CFAP74: variants seen among roughly 807,000 people sequenced by gnomAD.
The protein encoded by CFAP74 is cilia- and flagella-associated protein 74.
A neutral mutation model predicts 188.9 loss-of-function variants in CFAP74; 124 were observed. The observed-to-expected ratio is 0.66, with a 90% CI of 0.57 to 0.76. CFAP74 has a LOEUF of 0.76. Ranked by LOEUF, CFAP74 falls within the 30% of genes least tolerant of loss-of-function variation. The pLI is 0.00. For synonymous variants in CFAP74, 956 were observed against 916.7 expected (o/e 1.04, Z -0.77); for missense variants, 2,198 against 2,165.2 (o/e 1.02, Z -0.30).
At chr1:1,991,859 G>GA (rs1319833723) in intron 1 of CFAP74, among the ~76,000 whole-genome samples, 3 of 151,680 alleles carry the variant, frequency 2.0e-5, no homozygotes, top group South Asian at 2.1e-4. Context: ...CTAGCACAGT[G>GA]AAACCCCATC....
chr1:1,967,500 G>A (rs1655553790), intron 11 of CFAP74, among the ~76,000 whole-genome samples: 1 of 152,190 alleles, frequency 6.6e-6, no homozygotes. Context: ...GCTCCTGGCG[G>A]AGGGATCGGC....
At chr1:1,988,831 C>A in intron 3 of CFAP74, 58 bp downstream of exon 3, 1 of 442,530 alleles carries the variant, frequency 2.3e-6, no homozygotes, top group Non-Finnish European at 4.0e-6. Context: ...CACCCCCCCA[C>A]CCCCACCCCC....
At chr1:1,977,356 C>T (rs1023138158) in intron 6 of CFAP74, among the ~76,000 whole-genome samples, 11 of 152,234 alleles carry the variant, frequency 7.2e-5, no homozygotes, top group African/African-American at 1.9e-4. Context: ...TGCCCCAAAC[C>T]GCCAAGCCCC....
chr1:1,930,907 G>A (rs1002240183), intron 25 of CFAP74, among the ~76,000 whole-genome samples: 4 of 152,084 alleles, frequency 2.6e-5, no homozygotes, highest in Non-Finnish European at 4.4e-5. Context: ...AAAAGAGGCC[G>A]GGACCTGGTT....
rs567976830 is a variant in CFAP74 at position 1,975,364 on chromosome 1, C to T, written c.501-1166G>A. Among the ~76,000 whole-genome samples the T allele has an allele frequency of 7.2e-5, 11 of 152,224 alleles. No individual in the cohort carries two copies. Among genetic ancestry groups the T allele is most frequent in the Admixed American group, 1.3e-4 (2 of 15,288 alleles). On this transcript the variant is annotated intron_variant, in intron 6 of 38. Coordinates refer to ENST00000682832, the MANE Select transcript of CFAP74 (RefSeq NM_001304360.2). This position sits in a 1 kb window ranked among gnomAD's most constrained non-coding sequence, Gnocchi z 4.5. The stretch of plus-strand genomic sequence containing the variant: ...AGGATTTCTAACGTTGAGCCTTTTT[C>T]GGGGCTCCTAGGATATAAACTCCAA...
At chr1:1,949,518 G>A (rs934747103) in intron 18 of CFAP74, among the ~76,000 whole-genome samples, 4 of 148,958 alleles carry the variant, frequency 2.7e-5, no homozygotes, top group African/African-American at 1.0e-4. Flanking sequence ...TTTTTTTAAG[G>A]AATAAGTTGC....
In CFAP74 at chr1:1,922,730, G is replaced by T; in HGVS notation, c.4684-7C>A. 1 of 1,602,256 alleles carries T rather than the reference G, an allele frequency of 6.2e-7. No homozygotes were observed. The highest frequency in any genetic ancestry group is 8.5e-7 in the Non-Finnish European group (1 of 1,174,678). ...CTATGCTGAACTCAACGGTCTGTGG[G>T]GTATGGGGCTCCTGTAGGCTGGCGA... On this transcript the variant is annotated splice_region_variant and splice_polypyrimidine_tract_variant and intron_variant, in intron 37 of 38. Coordinates refer to ENST00000682832, the MANE Select transcript of CFAP74 (RefSeq NM_001304360.2).
chr1:1,944,188 A>G, intron 21 of CFAP74, 143 bp downstream of exon 21: 1 of 1,425,414 alleles, frequency 7.0e-7, no homozygotes, highest in Non-Finnish European at 9.2e-7. Context: ...CCGCGTGTGC[A>G]CAGGCAGGCA....
In CFAP74 at chr1:1,959,252, T is replaced by G. The variant is rs904764273; in HGVS notation, c.1762-43A>C. ...CCCCACCACAATACACTTCTGCAAC[T>G]TTTGTGTGTTTTGTTTTTTTTTTGG... On this transcript the variant is annotated intron_variant, in intron 15 of 38. Coordinates refer to ENST00000682832, the MANE Select transcript of CFAP74 (RefSeq NM_001304360.2). The G allele has an allele frequency of 2.2e-6, 3 of 1,336,734 alleles. No homozygotes were observed. The African/African-American group carries it at 4.4e-5, about 20-fold the overall frequency. 82.8% of individuals were successfully genotyped at this position (1,336,734 alleles called of 1,614,324 possible). A position where few individuals can be genotyped will look rare whatever the true frequency, so the allele number is the denominator to read the frequency against.
At chr1:1,937,763 C>A (rs1652998481) in intron 25 of CFAP74, among the ~76,000 whole-genome samples, 2 of 150,416 alleles carry the variant, frequency 1.3e-5, no homozygotes, top group Non-Finnish European at 2.9e-5. Context: ...TCCACCACTT[C>A]CTTATCCCGC....
In CFAP74 at chr1:1,968,957, C is replaced by T. The variant is rs1655685054; in HGVS notation, c.1047-124G>A. On this transcript the variant is annotated intron_variant, in intron 10 of 38. Transcript: ENST00000682832. This position sits in a 1 kb window ranked among gnomAD's most constrained non-coding sequence, Gnocchi z 4.3. ...GGGGGCTCCGGTCCTGCCCAGCAGC[C>T]CCAGGTGAGACAGCGCCTGGCGGCC... is the stretch of plus-strand genomic sequence containing the variant. The T allele has an allele frequency of 2.1e-6, 1 of 487,618 alleles. No individual in the cohort carries two copies. The highest frequency in any genetic ancestry group is 3.9e-5 in the Admixed American group (1 of 25,344). 30.2% of individuals were successfully genotyped at this position (487,618 alleles called of 1,614,324 possible).
At chr1:1,933,185 CTTTTTTT>C (rs897460590) in intron 25 of CFAP74, among the ~76,000 whole-genome samples, 1 of 133,216 alleles carries the variant, frequency 7.5e-6, no homozygotes. Context: ...CGTGCCTGAC[CTTTTTTT>C]TTTTTTTTTT....
At chr1:2,001,621 C>G (rs908950213) in intron 1 of CFAP74, among the ~76,000 whole-genome samples, 1 of 152,196 alleles carries the variant, frequency 6.6e-6, no homozygotes, top group African/African-American at 2.4e-5. Context: ...CCACTGCACC[C>G]GGCCAAAATG....
Position 1,942,681 on chromosome 1 carries a change from G to A in CFAP74, c.2487-525C>T, listed in dbSNP as rs865959367. ...CCGCCAGTCACCTGGGAGGCCATGCGTCTGTCCGGTCCCTACCTCCGGCTC... is the reference window on the plus strand; with the variant it reads ...CCGCCAGTCACCTGGGAGGCCATGCATCTGTCCGGTCCCTACCTCCGGCTC... On this transcript the variant is annotated intron_variant, in intron 21 of 38. Coordinates refer to ENST00000682832, the MANE Select transcript of CFAP74 (RefSeq NM_001304360.2). This position sits in a 1 kb window ranked among gnomAD's most constrained non-coding sequence, Gnocchi z 4.3. 2.6e-5 allele frequency among the ~76,000 whole-genome samples: 4 copies of A among 152,160 alleles called. No homozygotes were observed. The highest frequency in any genetic ancestry group is 4.8e-5 in the African/African-American group (2 of 41,434).
intron 2 of CFAP74, among the ~76,000 whole-genome samples, chr1:1,989,386 A>AT (rs1292825995): frequency 6.6e-6 from 1 of 152,240 alleles, no homozygotes; most frequent in Non-Finnish European, 1.5e-5. Flanking sequence ...GCTGAATAAA[A>AT]TCCTTTTTCA....
chr1:1,932,072 A>AAAAAAC lies in CFAP74; in HGVS notation c.3012-1737_3012-1736insGTTTTT, dbSNP rs1242899120. On this transcript the variant is annotated intron_variant, in intron 25 of 38. Transcript: ENST00000682832. ...CAGAGTGAGACTCTCGCCTCAAAAA[A>AAAAAAC]AAAAAAACAAAAAACAAAAAACAAA... 6.2e-3 allele frequency among the ~76,000 whole-genome samples: 536 copies of AAAAAAC among 85,876 alleles called. 29 individuals are homozygous for AAAAAAC. The highest frequency in any genetic ancestry group is 0.018 in the African/African-American group (497 of 28,168). The allele number at this position is 85,876 out of a possible 152,430, so 56.3% of individuals were successfully genotyped here. A position where few individuals can be genotyped will look rare whatever the true frequency, so the allele number is the denominator to read the frequency against.
At position 1,974,070 on chromosome 1, in the gene CFAP74, T is replaced by C; in HGVS notation, c.629A>G (p.Gln210Arg). 2 of 1,606,704 alleles carry C rather than the reference T, an allele frequency of 1.2e-6. No homozygotes were observed. Among genetic ancestry groups the C allele is most frequent in the Non-Finnish European group, 1.7e-6 (2 of 1,175,502 alleles). ...CCGCTCCACCTTCCCCAGGGCCTCCTGCTCTCTGCAGAGCTGCTCGGCTGC... is the reference window on the plus strand; with the variant it reads ...CCGCTCCACCTTCCCCAGGGCCTCCCGCTCTCTGCAGAGCTGCTCGGCTGC... ...VRAAEQLCRE[Q>R]EALGKVERNR... is the part of the protein sequence containing the mutation. The change falls in exon 7 of 39, where the codon CAG becomes CGG. Residue 210 changes from glutamine to arginine, a missense_variant. Transcript: ENST00000682832.
chr1:1,981,652 A>T (rs1325575068), intron 6 of CFAP74, among the ~76,000 whole-genome samples: 3 of 73,272 alleles, frequency 4.1e-5, no homozygotes, highest in South Asian at 5.9e-4. Context: ...ACAGCCGCGG[A>T]CAGACACAGG....
chr1:1,932,261 G>A (rs1570835740), intron 25 of CFAP74, among the ~76,000 whole-genome samples: 1 of 151,358 alleles, frequency 6.6e-6, no homozygotes, highest in South Asian at 2.1e-4. Context: ...GCCAGGCGTG[G>A]TGGTGGGCAC....
Sources: allele counts gnomAD v4.1 joint callset (sites outside exome capture counted in the v4.1 genomes callset), GRCh38; gene constraint gnomAD v4.1.1; non-coding constraint Gnocchi (gnomAD v3.1); transcripts MANE v1.5; gene names NCBI Gene and HGNC (gene_info 2026-07-23, HGNC 2026-07-21).